The following SSC5D variants were observed in gnomAD, a reference collection of about 807,000 sequenced individuals.
SSC5D encodes the protein soluble scavenger receptor cysteine-rich domain-containing protein SSC5D.
SSC5D carries 106 observed loss-of-function variants against 104.6 expected under a neutral mutation model. The observed-to-expected ratio is 1.01, with a 90% CI of 0.87 to 1.19. SSC5D has a LOEUF of 1.19. Among genes scored for constraint, SSC5D ranks in the 50% most tolerant of loss-of-function variants. SSC5D has a pLI of 0.00. For synonymous variants in SSC5D, 860 were observed against 883.5 expected (o/e 0.97, Z 0.47); for missense variants, 1,993 against 2,153.8 (o/e 0.93, Z 1.48).
rs2123429072 is a variant in SSC5D, at chr19:55,491,003, C to T, written c.818C>T (p.Ala273Val). ...DDVGCGGGEQ[A>V]LRDCPRSPWG... ...GTGGGGTGTGGAGGAGGAGAACAGG[C>T]CCTCCGAGACTGCCCCCGAAGCCCC... Residue 273 changes from alanine to valine, a missense_variant, in exon 6 of 14, where the codon GCC (alanine) becomes GTC (valine). Transcript: ENST00000389623. 1 of 1,549,726 alleles carries T rather than the reference C, an allele frequency of 6.5e-7. No homozygotes were observed. The highest frequency in any genetic ancestry group is 8.7e-7 in the Non-Finnish European group (1 of 1,146,534).
chr19:55,502,819 C>G (rs1214054396), intron 12 of SSC5D, among the ~76,000 whole-genome samples: 1 of 150,168 alleles, frequency 6.7e-6, no homozygotes, highest in Non-Finnish European at 1.5e-5. Flanking sequence ...CCATGCCTGG[C>G]TAATTTTTTT....
rs747761252 is a variant in SSC5D, at chr19:55,494,731, T to A, written c.1335T>A (p.Val445=). The A allele has an allele frequency of 1.3e-6, 2 of 1,550,116 alleles. No individual in the cohort carries two copies. Among genetic ancestry groups the A allele is most frequent in the South Asian group, 2.4e-5 (2 of 84,008 alleles). The change falls in exon 8 of 14, where the codon GTT becomes GTA. Residue 445 remains valine, a synonymous_variant. Transcript: ENST00000389623. ...GCCAGGCTCCAGGGACGGCAGGCGT[T>A]TCACCTCCTCCAGCCTCCCCTACTG... ...MTSQAPGTAG[V]SPPPASPTVL... is the part of the protein sequence containing the mutation.
chr19:55,494,878 A>C, intron 8 of SSC5D, 95 bp downstream of exon 8: 1 of 1,370,910 alleles, frequency 7.3e-7, no homozygotes, highest in Non-Finnish European at 9.7e-7. Flanking sequence ...TCTTGCAAAG[A>C]GAAAGGTGGA....
chr19:55,489,992 C>A lies in SSC5D; in HGVS notation c.472C>A (p.His158Asn), dbSNP rs1443891071. The change falls in exon 4 of 14, where the codon CAT (histidine) becomes AAT (asparagine). Residue 158 changes from histidine (H) to asparagine (N), a missense_variant. Physicochemically the swap from His to Asn is moderately conservative, Grantham distance 68. Transcript: ENST00000389623. Reference protein sequence around the residue: ...SPSTEEPLVTHAPRPAGNPQN... With the variant: ...SPSTEEPLVTNAPRPAGNPQN... The stretch of plus-strand genomic sequence containing the variant: ...CAGCACGGAGGAGCCCCTGGTGACA[C>A]ATGGTGAGCCCAGGGGACTGCCCTG... 6.5e-7 allele frequency: 1 copy of A among 1,548,250 alleles called. No individual in the cohort carries two copies. Among genetic ancestry groups the A allele is most frequent in the Non-Finnish European group, 8.7e-7 (1 of 1,146,086 alleles).
intron 12 of SSC5D, chr19:55,504,421 A>C (rs1028624454): frequency 1.9e-6 from 2 of 1,063,546 alleles, no homozygotes; most frequent in South Asian, 2.5e-5. Context: ...GCAGGCATGC[A>C]TTCTTAGCTT....
At chr19:55,495,231 A>ATT (rs1987285828) in intron 8 of SSC5D, among the ~76,000 whole-genome samples, 2 of 25,968 alleles carry the variant, frequency 7.7e-5, no homozygotes, top group Non-Finnish European at 1.4e-4. Context: ...ATATATATAT[A>ATT]TATTTTTTTT....
At chr19:55,497,824 GT>G (rs34794462) in intron 8 of SSC5D, 55 bp from the exon 9 acceptor site, 1,119,459 of 1,453,720 alleles carry the variant, frequency 0.77, 432,067 homozygotes, top group East Asian at 0.9. Context: ...TGGATGAAGA[GT>G]CAGGAGGCTG....
chr19:55,497,231 G>A (rs12981134), intron 8 of SSC5D, among the ~76,000 whole-genome samples: 62,396 of 152,092 alleles, frequency 0.41, 13,234 homozygotes, highest in South Asian at 0.56. Flanking sequence ...TACTTTCCCT[G>A]AAGACCGAGA....
intron 13 of SSC5D, among the ~76,000 whole-genome samples, chr19:55,514,170 C>T (rs1987816067): frequency 2.0e-5 from 3 of 152,064 alleles, no homozygotes; most frequent in East Asian, 1.9e-4. Context: ...CTTTGGGAGG[C>T]TGAGGCGGGC....
intron 12 of SSC5D, among the ~76,000 whole-genome samples, chr19:55,506,858 A>G (rs1987647729): frequency 1.3e-5 from 2 of 151,652 alleles, no homozygotes; most frequent in African/African-American, 2.4e-5. Flanking sequence ...GGCAGGGGAG[A>G]CTGAGGGTTG....
Position 55,518,351 on chromosome 19 carries a change from A to C in SSC5D, c.4075A>C (p.Lys1359Gln). 21 of 1,549,834 alleles carry C rather than the reference A, an allele frequency of 1.4e-5. No homozygotes were observed. The highest frequency in any genetic ancestry group is 1.8e-5 in the Non-Finnish European group (21 of 1,146,712). Reference protein sequence around the residue: ...LSSPTLAPTVKPSLHPQLTFT... With the variant: ...LSSPTLAPTVQPSLHPQLTFT... ...CTCTCCCACTCTAGCACCAACAGTC[A>C]AGCCCAGTCTGCACCCCCAGTTGAC... Residue 1359 changes from lysine (K) to glutamine (Q), a missense_variant, in exon 14 of 14, where the codon AAG becomes CAG. Lys to Gln is a moderately conservative substitution (Grantham distance 53). Coordinates refer to ENST00000389623, the MANE Select transcript of SSC5D (RefSeq NM_001144950.2).
At chr19:55,511,086 C>G (rs1987746976) in intron 12 of SSC5D, among the ~76,000 whole-genome samples, 1 of 152,148 alleles carries the variant, frequency 6.6e-6, no homozygotes. Flanking sequence ...GCCATTACCA[C>G]TAATGGTTTT....
Position 55,500,409 on chromosome 19 carries a change from T to C in SSC5D, c.2299T>C (p.Ser767Pro), listed in dbSNP as rs1295316437. ...PSPSVSTTGE[S>P]GLFRVRLADG... Reference sequence around the variant, plus strand: ...TCCCAGTGTTAGCACCACTGGGGAATCAGGTGAGTGGCCGTGAGGGGTGTG... The same window carrying C: ...TCCCAGTGTTAGCACCACTGGGGAACCAGGTGAGTGGCCGTGAGGGGTGTG... The change falls in exon 10 of 14, where the codon TCA becomes CCA. Residue 767 changes from serine (S) to proline (P), a missense_variant. By Grantham distance (74) the Ser-to-Pro change is moderately conservative. Around this residue, in one of 6 missense-constraint regions of SSC5D, gnomAD observed 1,101 missense variants for 1,085.0 expected, o/e 1.01. Coordinates refer to ENST00000389623, the MANE Select transcript of SSC5D (RefSeq NM_001144950.2). The surrounding 1 kb of genome is among the most constrained non-coding windows in gnomAD (Gnocchi z 4.6). The C allele has an allele frequency of 1.3e-6, 2 of 1,550,290 alleles. No homozygotes were observed. The highest frequency in any genetic ancestry group is 3.9e-5 in the Admixed American group (2 of 50,936).
At chr19:55,514,409 TA>T (rs1987822786) in intron 13 of SSC5D, among the ~76,000 whole-genome samples, 1 of 4,360 alleles carries the variant, frequency 2.3e-4, no homozygotes, top group Non-Finnish European at 5.1e-4. Context: ...TGTCTCAAAA[TA>T]ATAATAATAA....
intron 6 of SSC5D, 53 bp from the exon 7 acceptor site, chr19:55,493,542 C>G: frequency 7.3e-7 from 1 of 1,378,926 alleles, no homozygotes; most frequent in Non-Finnish European, 9.4e-7. Flanking sequence ...TAGCTTAGTC[C>G]CCGCTCATCC....
At position 55,503,605 on chromosome 19, in the gene SSC5D, C is replaced by G. The variant is rs1432467267; in HGVS notation, c.2785+2404C>G. On this transcript the variant is annotated intron_variant, in intron 12 of 13. Coordinates refer to ENST00000389623, the MANE Select transcript of SSC5D (RefSeq NM_001144950.2). This position sits in a 1 kb window ranked among gnomAD's most constrained non-coding sequence, Gnocchi z 4.0. The stretch of plus-strand genomic sequence containing the variant: ...CTCCCTCACGGGAGGTTTCACTCCC[C>G]ACCTAAGGGGCAGCGTTTCTGTCCT... Among the ~76,000 whole-genome samples the G allele has an allele frequency of 6.6e-6, 1 of 152,168 alleles. No individual in the cohort carries two copies. Among genetic ancestry groups the G allele is most frequent in the African/African-American group, 2.4e-5 (1 of 41,460 alleles).
chr19:55,493,985 G>A, intron 7 of SSC5D, 73 bp downstream of exon 7: 1 of 295,864 alleles, frequency 3.4e-6, no homozygotes, highest in Non-Finnish European at 6.7e-6. Flanking sequence ...GTTCGGCGGG[G>A]GCGGGGGGGT....
At chr19:55,496,129 G>A (rs1023447781) in intron 8 of SSC5D, among the ~76,000 whole-genome samples, 25 of 152,096 alleles carry the variant, frequency 1.6e-4, no homozygotes, top group Non-Finnish European at 3.2e-4. Flanking sequence ...AATTTCAGTG[G>A]GGCCGGTGGG....
intron 8 of SSC5D, among the ~76,000 whole-genome samples, chr19:55,496,873 C>T (rs1161052779): frequency 1.3e-5 from 2 of 152,068 alleles, no homozygotes; most frequent in African/African-American, 2.4e-5. Context: ...CCTCAGCCTC[C>T]GGAGTAGCTG....
Sources: gnomAD v4.1 joint callset for allele counts (sites outside exome capture counted in the v4.1 genomes callset) on GRCh38, gnomAD v4.1.1 for gene constraint, gnomAD v4.1.1 regional missense constraint, Gnocchi (gnomAD v3.1) non-coding constraint, MANE v1.5 for transcripts, NCBI Gene and HGNC (gene_info 2026-07-23, HGNC 2026-07-21) for gene names.